Variants in GRIK2 observed in about 807,000 individuals in gnomAD.
The protein encoded by GRIK2 is glutamate receptor ionotropic, kainate 2.
Under a neutral mutation model 100.3 loss-of-function variants are expected in GRIK2, and 32 were observed. That is an observed-to-expected ratio of 0.32 (90% CI 0.24 to 0.43). GRIK2 has a LOEUF of 0.43. Ranked by LOEUF, GRIK2 falls within the 20% of genes least tolerant of loss-of-function variation. The pLI, the probability that GRIK2 is intolerant of heterozygous loss-of-function variation, is 1.00. For synonymous variants in GRIK2, 417 were observed against 389.4 expected (o/e 1.07, Z -0.83); for missense variants, 843 against 1,114.9 (o/e 0.76, Z 3.47).
intron 2 of GRIK2, among the ~76,000 whole-genome samples, chr6:101,482,472 C>T (rs1243184661): frequency 1.3e-5 from 2 of 151,748 alleles, no homozygotes; most frequent in Admixed American, 6.6e-5. Flanking sequence ...TTAAATAATA[C>T]GTTCTTGTGG....
intron 14 of GRIK2, among the ~76,000 whole-genome samples, chr6:101,934,335 G>C (rs1156485481): frequency 6.6e-6 from 1 of 151,782 alleles, no homozygotes; most frequent in Non-Finnish European, 1.5e-5. Flanking sequence ...TAAAACATTT[G>C]CCTTACAGCA....
chr6:101,512,044 A>G (rs1385045373), intron 2 of GRIK2, among the ~76,000 whole-genome samples: 1 of 127,248 alleles, frequency 7.9e-6, no homozygotes, highest in Non-Finnish European at 1.6e-5. Context: ...CTATTTGTAA[A>G]AAAAGATACA....
intron 11 of GRIK2, among the ~76,000 whole-genome samples, chr6:101,872,464 A>G (rs1785490153): frequency 1.3e-5 from 2 of 151,986 alleles, no homozygotes; most frequent in South Asian, 4.2e-4. Flanking sequence ...GAACTCACTC[A>G]CTATCATGAG....
chr6:101,773,478 C>CAAA (rs10635667), intron 7 of GRIK2, among the ~76,000 whole-genome samples: 19,599 of 88,484 alleles, frequency 0.22, 2,652 homozygotes, highest in East Asian at 0.67. Flanking sequence ...GACTTTGTCT[C>CAAA]AAAAAAAAAA....
intron 2 of GRIK2, among the ~76,000 whole-genome samples, chr6:101,555,621 A>AT (rs1475321496): frequency 6.6e-6 from 1 of 152,220 alleles, no homozygotes; most frequent in Admixed American, 6.5e-5. Flanking sequence ...TAAAAAGAGA[A>AT]TTTATAAAGC....
chr6:101,972,365 A>G (rs998278537), intron 14 of GRIK2, among the ~76,000 whole-genome samples: 2 of 151,750 alleles, frequency 1.3e-5, no homozygotes, highest in Non-Finnish European at 2.9e-5. Context: ...GGTGATGAAC[A>G]TTTTTTCATA....
intron 14 of GRIK2, among the ~76,000 whole-genome samples, chr6:101,931,875 A>G (rs998020581): frequency 6.6e-6 from 1 of 152,108 alleles, no homozygotes; most frequent in Non-Finnish European, 1.5e-5. Flanking sequence ...AGAAACATTA[A>G]AGGAGGAGTC....
intron 16 of GRIK2, 57 bp downstream of exon 16, chr6:102,055,637 C>A: frequency 7.6e-7 from 1 of 1,313,084 alleles, no homozygotes; most frequent in South Asian, 1.3e-5. Flanking sequence ...TACAATAAAA[C>A]ACAAACCAAA....
rs571558367 is a variant in GRIK2, at chr6:101,525,657, T to C, written c.116-96292T>C. The stretch of plus-strand genomic sequence containing the variant: ...TTCATATAGTTTTATACTTGGGTTT[T>C]AATTTCCTTATGCGTTAGGATGAGT... On this transcript the variant is annotated intron_variant, in intron 2 of 16. Transcript: ENST00000369134. Among the ~76,000 whole-genome samples, 3 of 152,334 alleles carry C rather than the reference T, an allele frequency of 2.0e-5. No homozygotes were observed. The East Asian group carries it at 5.8e-4, about 29-fold the overall frequency.
intron 16 of GRIK2, among the ~76,000 whole-genome samples, chr6:102,062,208 G>C (rs1308306908): frequency 1.3e-5 from 2 of 150,336 alleles, no homozygotes; most frequent in Non-Finnish European, 3.0e-5. Flanking sequence ...AAATAATCCA[G>C]GCTAAAGCAT....
chr6:101,687,700 C>G (rs866884685), intron 7 of GRIK2, among the ~76,000 whole-genome samples: 1 of 151,706 alleles, frequency 6.6e-6, no homozygotes. Flanking sequence ...GAAAAATCAC[C>G]TACTAGAATT....
chr6:101,614,357 A>G (rs1779806613), intron 2 of GRIK2, among the ~76,000 whole-genome samples: 1 of 151,684 alleles, frequency 6.6e-6, no homozygotes, highest in South Asian at 2.1e-4. Flanking sequence ...ATAAATAAAC[A>G]CTCATAAGCA....
chr6:101,960,272 T>C (rs1362650498), intron 14 of GRIK2, among the ~76,000 whole-genome samples: 2 of 151,978 alleles, frequency 1.3e-5, no homozygotes, highest in African/African-American at 2.4e-5. Flanking sequence ...TTTTTAGCTT[T>C]CTCTTGGATC....
chr6:102,022,216 TGTGTAGTATTTCAAAA>T (rs1361337996), intron 14 of GRIK2, among the ~76,000 whole-genome samples: 2 of 151,128 alleles, frequency 1.3e-5, no homozygotes, highest in East Asian at 3.9e-4. Context: ...TACATATAAC[TGTGTAGTATTTCAAAA>T]CAGAGTCCAT....
intron 2 of GRIK2, among the ~76,000 whole-genome samples, chr6:101,544,124 A>G (rs1776128573): frequency 6.6e-6 from 1 of 152,130 alleles, no homozygotes; most frequent in African/African-American, 2.4e-5. Context: ...CCTTTTTACT[A>G]CATTGTAACC....
At chr6:102,031,125 ACACCCC>A (rs1562124645) in intron 14 of GRIK2, among the ~76,000 whole-genome samples, 1 of 66,116 alleles carries the variant, frequency 1.5e-5, no homozygotes, top group Non-Finnish European at 3.7e-5. Context: ...ACACACACAC[ACACCCC>A]CTTTGAGTTT....
intron 2 of GRIK2, among the ~76,000 whole-genome samples, chr6:101,537,885 A>G (rs1338522457): frequency 6.6e-6 from 1 of 151,798 alleles, no homozygotes. Flanking sequence ...CATGCCTATC[A>G]TACTAAAATT....
chr6:101,714,161 G>A (rs1227761682), intron 7 of GRIK2, among the ~76,000 whole-genome samples: 1 of 151,668 alleles, frequency 6.6e-6, no homozygotes, highest in Non-Finnish European at 1.5e-5. Context: ...CTTCTCCAGA[G>A]CTGATCAAGC....
At chr6:101,761,776 C>CCTCCCTCCCTCG (rs1777691366) in intron 7 of GRIK2, among the ~76,000 whole-genome samples, 1 of 134,998 alleles carries the variant, frequency 7.4e-6, no homozygotes, top group African/African-American at 2.7e-5. Context: ...CATTTCCCTC[C>CCTCCCTCCCTCG]CTCCCTCCCT....
Sources: allele counts gnomAD v4.1 joint callset (sites outside exome capture counted in the v4.1 genomes callset), GRCh38; gene constraint gnomAD v4.1.1; transcripts MANE v1.5; gene names NCBI Gene and HGNC (gene_info 2026-07-23, HGNC 2026-07-21).